The following CARMIL1 variants were observed in gnomAD, a reference collection of about 807,000 sequenced individuals.
CARMIL1 encodes capping protein regulator and myosin 1 linker 1, also known as F-actin-uncapping protein LRRC16A.
Under a neutral mutation model 177.1 loss-of-function variants are expected in CARMIL1, and 90 were observed. The ratio of observed to expected loss-of-function variants is 0.51; its 90% CI spans 0.43 to 0.61. CARMIL1 has a LOEUF of 0.61. Ranked by LOEUF, CARMIL1 falls within the 20% of genes least tolerant of loss-of-function variation. CARMIL1 has a pLI of 0.00. For missense variants in CARMIL1, 1,380 were observed against 1,667.0 expected, an observed-to-expected ratio of 0.83 and a Z score of 3.00; for synonymous variants, 577 against 606.2, an observed-to-expected ratio of 0.95 and a Z score of 0.71.
At chr6:25,513,762 C>G (rs1805685479) in intron 20 of CARMIL1, among the ~76,000 whole-genome samples, 1 of 152,102 alleles carries the variant, frequency 6.6e-6, no homozygotes, top group Admixed American at 6.5e-5. Context: ...AGCTCCAATC[C>G]CCCAAGCATT....
chr6:25,485,785 A>G (rs941448602), intron 12 of CARMIL1, among the ~76,000 whole-genome samples: 1 of 152,118 alleles, frequency 6.6e-6, no homozygotes, highest in Non-Finnish European at 1.5e-5. Context: ...ATGTTTGTTT[A>G]TTTATTTATT....
chr6:25,515,920 T>C lies in CARMIL1; in HGVS notation c.1805+73T>C. 1 of 1,467,654 alleles carries C rather than the reference T, an allele frequency of 6.8e-7. No homozygotes were observed. The highest frequency in any genetic ancestry group is 2.1e-4 in the Middle Eastern group (1 of 4,702). The allele number at this position is 1,467,654 out of a possible 1,614,324, so 90.9% of individuals were successfully genotyped here. On this transcript the variant is annotated intron_variant, in intron 21 of 36. Transcript: ENST00000329474. The surrounding 1 kb of genome is among the most constrained non-coding windows in gnomAD (Gnocchi z 5.0). Reference sequence around the variant, plus strand: ...TTCCGAACAGCAAGCATTGCAGAGCTGCTGGGCCCGAGGGGACCTGGGCTT... The same window carrying C: ...TTCCGAACAGCAAGCATTGCAGAGCCGCTGGGCCCGAGGGGACCTGGGCTT...
intron 2 of CARMIL1, among the ~76,000 whole-genome samples, chr6:25,287,051 A>G (rs775897901): frequency 2.6e-4 from 40 of 152,258 alleles, no homozygotes; most frequent in Non-Finnish European, 5.4e-4. Flanking sequence ...AATTATTAAT[A>G]GAAATACTCA....
At chr6:25,294,439 T>C (rs889649218) in intron 2 of CARMIL1, among the ~76,000 whole-genome samples, 4 of 152,170 alleles carry the variant, frequency 2.6e-5, no homozygotes, top group African/African-American at 9.7e-5. Flanking sequence ...CATCTAACCA[T>C]GTGTCCTAAC....
At chr6:25,586,739 G>T (rs543515597) in intron 31 of CARMIL1, among the ~76,000 whole-genome samples, 1 of 151,956 alleles carries the variant, frequency 6.6e-6, no homozygotes, top group African/African-American at 2.4e-5. Flanking sequence ...GATCACTCGC[G>T]GTCAGGAGCT....
chr6:25,295,106 A>G (rs1782284157), intron 2 of CARMIL1, among the ~76,000 whole-genome samples: 2 of 152,222 alleles, frequency 1.3e-5, no homozygotes, highest in African/African-American at 4.8e-5. Context: ...TACTAAAACA[A>G]TAATAAAACA....
At chr6:25,517,216 A>T in intron 21 of CARMIL1, 131 bp from the exon 22 acceptor site, 1 of 633,816 alleles carries the variant, frequency 1.6e-6, no homozygotes, top group East Asian at 2.7e-5. Context: ...GAAGATGAAC[A>T]TTATTCCTTG....
intron 25 of CARMIL1, among the ~76,000 whole-genome samples, chr6:25,538,794 A>G (rs1162896565): frequency 3.9e-5 from 6 of 152,092 alleles, no homozygotes; most frequent in Non-Finnish European, 1.5e-5. Context: ...TGCCAGAGGA[A>G]CCAGCCACGT....
chr6:25,351,859 TG>T (rs1003438866), intron 2 of CARMIL1, among the ~76,000 whole-genome samples: 4 of 151,180 alleles, frequency 2.6e-5, no homozygotes, highest in Non-Finnish European at 4.4e-5. Context: ...CCTGACAATA[TG>T]AAAAAAAAAA....
At position 25,396,082 on chromosome 6, in the gene CARMIL1, C is replaced by T. The variant is rs577394626; in HGVS notation, c.139-24032C>T. Among the ~76,000 whole-genome samples the T allele has an allele frequency of 5.6e-4, 86 of 152,286 alleles. No homozygotes were observed. In the South Asian group the frequency reaches 8.3e-3, roughly 15 times the overall value. ...ATCCCCTTCAGGGTATGCGGATTCC[C>T]TGTGAAAAAGCTGAGCAGGTTTATT... On this transcript the variant is annotated intron_variant, in intron 2 of 36. Transcript: ENST00000329474.
At chr6:25,428,807 C>CA (rs1467431853) in intron 4 of CARMIL1, among the ~76,000 whole-genome samples, 1 of 152,124 alleles carries the variant, frequency 6.6e-6, no homozygotes, top group Non-Finnish European at 1.5e-5. Flanking sequence ...TTATTTTTTA[C>CA]ATTTCAGTTT....
intron 31 of CARMIL1, 145 bp downstream of exon 31, chr6:25,581,584 T>A: frequency 2.9e-6 from 2 of 688,062 alleles, no homozygotes; most frequent in Admixed American, 6.4e-5. Flanking sequence ...ATATACAAAG[T>A]ATCTCAACTT....
chr6:25,492,239 G>C (rs1157312652), intron 15 of CARMIL1, among the ~76,000 whole-genome samples: 2 of 152,192 alleles, frequency 1.3e-5, no homozygotes, highest in Non-Finnish European at 2.9e-5. Flanking sequence ...TAGCCTGCCT[G>C]CGTGAACTAT....
intron 29 of CARMIL1, among the ~76,000 whole-genome samples, chr6:25,571,736 G>A (rs1022234642): frequency 2.6e-5 from 4 of 152,308 alleles, no homozygotes; most frequent in Middle Eastern, 3.4e-3. Context: ...ACAGCATCCC[G>A]TATGTGGTAT....
intron 2 of CARMIL1, among the ~76,000 whole-genome samples, chr6:25,373,284 A>G (rs1790608212): frequency 6.6e-6 from 1 of 151,438 alleles, no homozygotes; most frequent in African/African-American, 2.4e-5. Flanking sequence ...AGAATAAGTT[A>G]TAGAGGATGC....
chr6:25,577,162 C>T lies in CARMIL1; in HGVS notation c.2743-3762C>T. ...AATTTAGAGACAAGATTGGATTTTG[C>T]AAGATGGTTCAGCTAGCAAAACAGG... On this transcript the variant is annotated intron_variant, in intron 29 of 36. Transcript: ENST00000329474. The surrounding 1 kb of genome is among the most constrained non-coding windows in gnomAD (Gnocchi z 4.5). The T allele has an allele frequency of 1.0e-6, 1 of 980,396 alleles. No homozygotes were observed. Among genetic ancestry groups the T allele is most frequent in the Non-Finnish European group, 1.2e-6 (1 of 825,438 alleles). The allele number at this position is 980,396 out of a possible 1,614,324, so 60.7% of individuals were successfully genotyped here. A position where few individuals can be genotyped will look rare whatever the true frequency, so the allele number is the denominator to read the frequency against.
At chr6:25,448,297 C>G (rs890397040) in intron 5 of CARMIL1, among the ~76,000 whole-genome samples, 2 of 152,134 alleles carry the variant, frequency 1.3e-5, no homozygotes, top group Non-Finnish European at 2.9e-5. Flanking sequence ...ACCTGTGAGG[C>G]GCACCATGGC....
chr6:25,356,461 A>T (rs1202690353), intron 2 of CARMIL1, among the ~76,000 whole-genome samples: 1 of 152,190 alleles, frequency 6.6e-6, no homozygotes, highest in Non-Finnish European at 1.5e-5. Flanking sequence ...TGGGTTTAAA[A>T]AACCAGAGAT....
chr6:25,315,207 T>C (rs1784175798), intron 2 of CARMIL1, among the ~76,000 whole-genome samples: 1 of 152,188 alleles, frequency 6.6e-6, no homozygotes, highest in Admixed American at 6.5e-5. Flanking sequence ...ATAAGGACAG[T>C]GCTCATTTCC....
Sources: allele counts gnomAD v4.1 joint callset (sites outside exome capture counted in the v4.1 genomes callset), GRCh38; gene constraint gnomAD v4.1.1; non-coding constraint Gnocchi (gnomAD v3.1); transcripts MANE v1.5; gene names NCBI Gene and HGNC (gene_info 2026-07-23, HGNC 2026-07-21).